MTG1: variants seen among roughly 807,000 people sequenced by gnomAD.
The protein encoded by MTG1 is mitochondrial ribosome associated GTPase 1.
In MTG1, 30 loss-of-function variants were observed where a neutral mutation model predicts 39.5. The ratio of observed to expected loss-of-function variants is 0.76; its 90% CI spans 0.57 to 1.03. MTG1 has a LOEUF of 1.03. Ranked by LOEUF, MTG1 falls within the 50% of genes least tolerant of loss-of-function variation. The pLI is 0.00. For synonymous variants in MTG1, 217 were observed against 179.0 expected (o/e 1.21, Z -1.69); for missense variants, 513 against 447.4 (o/e 1.15, Z -1.32).
chr10:133,415,881 T>C (rs1233891822), intron 9 of MTG1, among the ~76,000 whole-genome samples: 1 of 148,316 alleles, frequency 6.7e-6, no homozygotes, highest in African/African-American at 2.5e-5. Flanking sequence ...CATGCAGTTA[T>C]CAGGCATGCC....
intron 3 of MTG1, 66 bp downstream of exon 3, chr10:133,396,333 A>G: frequency 7.2e-7 from 1 of 1,386,074 alleles, no homozygotes; most frequent in South Asian, 1.2e-5. Context: ...GCTTGTTCTA[A>G]CGGAAGAGTT....
intron 1 of MTG1, among the ~76,000 whole-genome samples, chr10:133,395,263 C>T (rs574407823): frequency 2.2e-4 from 34 of 152,126 alleles, no homozygotes; most frequent in Non-Finnish European, 4.0e-4. Context: ...GGCATGGTGG[C>T]GCGTCCCTGT....
intron 5 of MTG1, 81 bp from the exon 6 acceptor site, chr10:133,399,448 C>A: frequency 7.0e-7 from 1 of 1,429,606 alleles, no homozygotes; most frequent in Admixed American, 1.7e-5. Context: ...GGCCTGGGGT[C>A]CCCTTGCCTG....
chr10:133,408,844 G>A (rs968126806), intron 9 of MTG1, among the ~76,000 whole-genome samples: 6 of 152,102 alleles, frequency 3.9e-5, no homozygotes, highest in African/African-American at 4.8e-5. Context: ...GTAGTTGTTC[G>A]TAGTAGTCCC....
intron 6 of MTG1, among the ~76,000 whole-genome samples, chr10:133,401,227 G>A (rs541051233): frequency 2.6e-5 from 4 of 152,192 alleles, no homozygotes; most frequent in Non-Finnish European, 5.9e-5. Flanking sequence ...GGGGAGTTAG[G>A]TTCTGGTGCA....
intron 3 of MTG1, among the ~76,000 whole-genome samples, chr10:133,396,594 C>T (rs563331100): frequency 6.6e-6 from 1 of 152,230 alleles, no homozygotes; most frequent in South Asian, 2.1e-4. Flanking sequence ...AGACCGAGGA[C>T]ACGAGCTTTT....
At chr10:133,416,371 G>T (rs988024884) in intron 9 of MTG1, among the ~76,000 whole-genome samples, 71 of 136,578 alleles carry the variant, frequency 5.2e-4, no homozygotes, top group African/African-American at 1.7e-3. Flanking sequence ...ATTTTTGGAT[G>T]ATATATATAT....
At position 133,402,351 on chromosome 10, in the gene MTG1, C is replaced by T. The variant is rs75164558; in HGVS notation, c.670+106C>T. ...GCCCCTAGACGGGAGTTGTTACTGCCTTTGACCTGGTTGCTGCCAGACCTT... is the reference window on the plus strand; with the variant it reads ...GCCCCTAGACGGGAGTTGTTACTGCTTTTGACCTGGTTGCTGCCAGACCTT... On this transcript the variant is annotated intron_variant, in intron 8 of 10. Coordinates refer to ENST00000317502, the MANE Select transcript of MTG1 (RefSeq NM_138384.4). This position sits in a 1 kb window ranked among gnomAD's most constrained non-coding sequence, Gnocchi z 4.7. 3.9e-3 allele frequency: 5,231 copies of T among 1,343,838 alleles called. 10 individuals carry two copies. Among genetic ancestry groups the T allele is most frequent in the Non-Finnish European group, 5.0e-3 (4,746 of 948,004 alleles). The allele number at this position is 1,343,838 out of a possible 1,614,324, so 83.2% of individuals were successfully genotyped here.
chr10:133,415,994 T>C (rs1158149293), intron 9 of MTG1, among the ~76,000 whole-genome samples: 8 of 129,752 alleles, frequency 6.2e-5, no homozygotes, highest in African/African-American at 2.9e-4. Context: ...GGCACGCGGG[T>C]GTCGGGCAGG....
intron 9 of MTG1, among the ~76,000 whole-genome samples, chr10:133,404,488 A>T (rs75735432): frequency 1.4e-4 from 21 of 152,064 alleles, no homozygotes; most frequent in African/African-American, 4.6e-4. Flanking sequence ...GTTTGTAAAT[A>T]CTTTAAGTCT....
chr10:133,417,758 T>A (rs1850153645), intron 9 of MTG1, among the ~76,000 whole-genome samples: 1 of 151,784 alleles, frequency 6.6e-6, no homozygotes, highest in African/African-American at 2.4e-5. Flanking sequence ...AAATCATGAG[T>A]GAACTCCCAT....
chr10:133,419,804 C>T (rs929499322), intron 10 of MTG1, among the ~76,000 whole-genome samples: 1 of 152,210 alleles, frequency 6.6e-6, no homozygotes, highest in Non-Finnish European at 1.5e-5. Flanking sequence ...AGCCCTGCCG[C>T]GTATTGGGCA....
chr10:133,399,270 G>A (rs946293055), intron 5 of MTG1, 44 bp downstream of exon 5: 15 of 1,603,772 alleles, frequency 9.4e-6, no homozygotes, highest in African/African-American at 1.3e-5. Flanking sequence ...GGCGGGCGTG[G>A]GATGGGCCAG....
At position 133,419,608 on chromosome 10, in the gene MTG1, G is replaced by C; in HGVS notation, c.865+16G>C. ...ACGGGCACGGGTGAGTGAGGTCGCT[G>C]ATGCGGGCACCGGAGCCTCACCCCA... On this transcript the variant is annotated intron_variant, in intron 10 of 10. Transcript: ENST00000317502. The C allele has an allele frequency of 2.5e-6, 4 of 1,577,816 alleles. No individual in the cohort carries two copies. Among genetic ancestry groups the C allele is most frequent in the South Asian group, 2.3e-5 (2 of 86,658 alleles).
intron 9 of MTG1, among the ~76,000 whole-genome samples, chr10:133,403,431 G>A (rs936760478): frequency 1.3e-5 from 2 of 152,170 alleles, no homozygotes; most frequent in African/African-American, 4.8e-5. Context: ...GTGCTCCTTC[G>A]TGATCACACC....
intron 6 of MTG1, among the ~76,000 whole-genome samples, chr10:133,400,985 A>G (rs1849866211): frequency 6.6e-6 from 1 of 152,206 alleles, no homozygotes; most frequent in Non-Finnish European, 1.5e-5. Context: ...TTGTCCATTC[A>G]TCTGGATGGA....
intron 9 of MTG1, among the ~76,000 whole-genome samples, chr10:133,413,174 A>T (rs1850070651): frequency 6.6e-6 from 1 of 152,086 alleles, no homozygotes; most frequent in African/African-American, 2.4e-5. Context: ...GCAGAGGTAC[A>T]ATGTTGTCTC....
chr10:133,404,775 C>T (rs775265823), intron 9 of MTG1, among the ~76,000 whole-genome samples: 3 of 152,080 alleles, frequency 2.0e-5, no homozygotes, highest in African/African-American at 4.8e-5. Context: ...CCAGTTGTTC[C>T]GGAAACATTT....
At chr10:133,406,832 G>C (rs953574612) in intron 9 of MTG1, among the ~76,000 whole-genome samples, 3 of 151,852 alleles carry the variant, frequency 2.0e-5, no homozygotes, top group Non-Finnish European at 4.4e-5. Flanking sequence ...ACCTGGCTAA[G>C]TTTTGTATTT....
Sources: gnomAD v4.1 joint callset for allele counts (sites outside exome capture counted in the v4.1 genomes callset) on GRCh38, gnomAD v4.1.1 for gene constraint, Gnocchi (gnomAD v3.1) non-coding constraint, MANE v1.5 for transcripts, NCBI Gene and HGNC (gene_info 2026-07-23, HGNC 2026-07-21) for gene names.